The following SRGAP3 variants were observed in gnomAD, a reference collection of about 807,000 sequenced individuals.
SRGAP3 encodes SLIT-ROBO Rho GTPase activating protein 3.
Under a neutral mutation model 121.1 loss-of-function variants are expected in SRGAP3, and 39 were observed. The observed-to-expected ratio is 0.32, with a 90% CI of 0.25 to 0.42. The LOEUF is 0.42. Among genes scored for constraint, SRGAP3 ranks in the 10% least tolerant of loss-of-function variants. The pLI is 1.00. For missense variants in SRGAP3, 1,213 were observed against 1,470.6 expected, an observed-to-expected ratio of 0.82 and a Z score of 2.86; for synonymous variants, 601 against 570.0, an observed-to-expected ratio of 1.05 and a Z score of -0.77.
chr3:8,983,217 C>T lies in SRGAP3; in HGVS notation c.*2302G>A. The T allele has an allele frequency of 4.4e-6, 1 of 226,952 alleles. No individual in the cohort carries two copies. 14.1% of individuals were successfully genotyped at this position (226,952 alleles called of 1,614,324 possible). A position where few individuals can be genotyped will look rare whatever the true frequency, so the allele number is the denominator to read the frequency against. ...AGCCAGTGTCAAATCTTGGGCAGGT[C>T]ACAGCACAGCCCAAGGCCTTACTCT... On this transcript the variant is annotated 3_prime_UTR_variant, in exon 22 of 22. Transcript: ENST00000383836.
upstream of SRGAP3, among the ~76,000 whole-genome samples, chr3:9,251,973 G>C (rs545154038): frequency 2.0e-5 from 3 of 152,298 alleles, no homozygotes; most frequent in South Asian, 4.1e-4. Flanking sequence ...GCCTGGCATA[G>C]AGCAGAAGTC....
chr3:9,298,408 C>T (rs924747045), intron 3 of SRGAP3, among the ~76,000 whole-genome samples: 2 of 152,158 alleles, frequency 1.3e-5, no homozygotes, highest in Non-Finnish European at 2.9e-5. Flanking sequence ...ATCATCATGT[C>T]TTTAGTCTTG....
intron 2 of SRGAP3, among the ~76,000 whole-genome samples, chr3:9,329,802 A>G (rs1955575922): frequency 6.6e-6 from 1 of 152,128 alleles, no homozygotes; most frequent in African/African-American, 2.4e-5. Flanking sequence ...AAAGCTCCCC[A>G]TGTCCCACGA....
At chr3:9,125,078 G>A (rs1035737902) in intron 1 of SRGAP3, 161 bp from the exon 2 acceptor site, 11 of 777,358 alleles carry the variant, frequency 1.4e-5, no homozygotes, top group Non-Finnish European at 1.9e-5. Flanking sequence ...GCTTGGCAGA[G>A]CATTGGCACA....
intron 1 of SRGAP3, among the ~76,000 whole-genome samples, chr3:9,152,790 T>C (rs893860286): frequency 6.6e-6 from 1 of 152,186 alleles, no homozygotes; most frequent in Non-Finnish European, 1.5e-5. Flanking sequence ...AAGACTGTCC[T>C]TGGCTGTCAG....
At chr3:9,016,357 C>T (rs980520707) in intron 14 of SRGAP3, among the ~76,000 whole-genome samples, 9 of 152,122 alleles carry the variant, frequency 5.9e-5, no homozygotes, top group Admixed American at 5.2e-4. Context: ...TTTACAATCT[C>T]GGCTCTTTCT....
At chr3:9,071,352 C>T (rs1946699636) in intron 4 of SRGAP3, among the ~76,000 whole-genome samples, 1 of 152,038 alleles carries the variant, frequency 6.6e-6, no homozygotes, top group African/African-American at 2.4e-5. Context: ...TTGACATCAC[C>T]CCACAATCCT....
chr3:9,048,487 A>G (rs960184288), intron 9 of SRGAP3, among the ~76,000 whole-genome samples: 4 of 152,208 alleles, frequency 2.6e-5, no homozygotes, highest in African/African-American at 4.8e-5. Flanking sequence ...AAAGGTAAAT[A>G]AAATACCACT....
At chr3:9,284,642 C>G (rs564360687) in intron 3 of SRGAP3, among the ~76,000 whole-genome samples, 3 of 152,170 alleles carry the variant, frequency 2.0e-5, no homozygotes, top group Non-Finnish European at 4.4e-5. Flanking sequence ...CCAGCCTGAA[C>G]AACGTGATAA....
At chr3:9,220,050 G>A (rs1285634115) in intron 1 of SRGAP3, among the ~76,000 whole-genome samples, 2 of 152,122 alleles carry the variant, frequency 1.3e-5, no homozygotes, top group East Asian at 3.9e-4. Context: ...GGGGCGGGGA[G>A]GAAGAGAGGT....
chr3:9,004,653 C>T (rs900897147), intron 18 of SRGAP3, among the ~76,000 whole-genome samples: 1 of 152,136 alleles, frequency 6.6e-6, no homozygotes, highest in African/African-American at 2.4e-5. Flanking sequence ...AACAAGGGTG[C>T]TAAGACCATT....
intron 3 of SRGAP3, chr3:9,257,345 C>T (rs1395227676): frequency 1.5e-5 from 1 of 68,884 alleles, no homozygotes; most frequent in Admixed American, 2.2e-4. Context: ...CCAAAGCGAA[C>T]TCTCTCTCTT....
At chr3:9,267,576 C>G (rs1306219677) in intron 3 of SRGAP3, among the ~76,000 whole-genome samples, 1 of 152,160 alleles carries the variant, frequency 6.6e-6, no homozygotes, top group East Asian at 1.9e-4. Flanking sequence ...GGGGCCTACT[C>G]TGAGAAGCTG....
At chr3:9,055,304 C>T (rs1945768309) in intron 8 of SRGAP3, among the ~76,000 whole-genome samples, 1 of 152,200 alleles carries the variant, frequency 6.6e-6, no homozygotes, top group South Asian at 2.1e-4. Flanking sequence ...AAGATCAAGA[C>T]TGTGTCTTCC....
In SRGAP3 at chr3:8,985,861, C is replaced by T; in HGVS notation, c.2958G>A (p.Gln986=). The part of the protein sequence containing the change: ...RELERQNTVK[Q]APDVVLDTLE... ...GGGTGTCCAGCACCACATCTGGCGC[C>T]TGCTTGACCGTGTTCTGCCTCTCGA... The change falls in exon 22 of 22, where the codon CAG becomes CAA. Residue 986 remains glutamine (Q), a synonymous_variant. Transcript: ENST00000383836. The surrounding 1 kb of genome is among the most constrained non-coding windows in gnomAD (Gnocchi z 5.1). 1.2e-6 allele frequency: 2 copies of T among 1,600,160 alleles called. No homozygotes were observed. Among genetic ancestry groups the T allele is most frequent in the Non-Finnish European group, 8.5e-7 (1 of 1,179,920 alleles).
chr3:9,133,773 T>C (rs1949544890), intron 1 of SRGAP3, among the ~76,000 whole-genome samples: 1 of 152,190 alleles, frequency 6.6e-6, no homozygotes. Flanking sequence ...CTCCTGAAAT[T>C]TTACCAGTTT....
intron 18 of SRGAP3, among the ~76,000 whole-genome samples, chr3:8,997,610 T>C (rs868633742): frequency 7.9e-5 from 12 of 152,158 alleles, no homozygotes; most frequent in African/African-American, 1.7e-4. Flanking sequence ...CTTCACTAGC[T>C]CAATCTGCTC....
At chr3:9,128,396 A>G (rs141140379) in intron 1 of SRGAP3, among the ~76,000 whole-genome samples, 90 of 152,392 alleles carry the variant, frequency 5.9e-4, no homozygotes, top group Non-Finnish European at 1.0e-3. Flanking sequence ...TTTAAAAAAG[A>G]TGATAATCTT....
chr3:9,017,877 C>G (rs1034427029), intron 14 of SRGAP3, among the ~76,000 whole-genome samples: 2 of 152,210 alleles, frequency 1.3e-5, no homozygotes, highest in Non-Finnish European at 2.9e-5. Flanking sequence ...GTCCTCTCTT[C>G]TAGTTACTTT....
Sources: gnomAD v4.1 joint callset for allele counts (sites outside exome capture counted in the v4.1 genomes callset) on GRCh38, gnomAD v4.1.1 for gene constraint, Gnocchi (gnomAD v3.1) non-coding constraint, MANE v1.5 for transcripts, NCBI Gene and HGNC (gene_info 2026-07-23, HGNC 2026-07-21) for gene names.